Variants in CSMD3 observed in about 807,000 individuals in gnomAD.
CSMD3 encodes CUB and sushi domain-containing protein 3.
CSMD3 carries 177 observed loss-of-function variants against 435.2 expected under a neutral mutation model. The ratio of observed to expected loss-of-function variants is 0.41; its 90% confidence interval spans 0.36 to 0.46. The LOEUF (loss-of-function observed/expected upper bound fraction) is 0.46. Ranked by LOEUF, CSMD3 falls within the 20% of genes least tolerant of loss-of-function variation. CSMD3 has a pLI of 0.34. For synonymous variants in CSMD3, 1,656 were observed against 1,520.5 expected, an observed-to-expected ratio of 1.09 and a Z score of -2.07; for missense variants, 4,265 against 4,504.6, an observed-to-expected ratio of 0.95 and a Z score of 1.52.
At chr8:113,094,314 G>A (rs1373888019) in intron 5 of CSMD3, among the ~76,000 whole-genome samples, 2 of 152,002 alleles carry the variant, frequency 1.3e-5, no homozygotes, top group East Asian at 3.9e-4. Flanking sequence ...CCCCTAAATG[G>A]TCTTTTAATC....
rs144576037 is a variant in CSMD3, at chr8:113,013,119, A to G, written c.1030+5948T>C. 3.9e-5 allele frequency among the ~76,000 whole-genome samples: 6 copies of G among 152,146 alleles called. No individual in the cohort carries two copies. The East Asian group carries it at 1.2e-3, about 29-fold the overall frequency. On this transcript the variant is annotated intron_variant, in intron 6 of 70. Coordinates refer to ENST00000297405, the MANE Select transcript of CSMD3 (RefSeq NM_198123.2). The stretch of plus-strand genomic sequence containing the variant: ...TCCTGTGCTCTATTTTTAAGCCTGG[A>G]CTATATTTATGATTTCAGAAAATCT...
rs890011990 is a variant in CSMD3, at chr8:113,393,690, A to G, written c.178+42987T>C. Among the ~76,000 whole-genome samples the G allele has an allele frequency of 3.9e-4, 60 of 152,138 alleles. 2 individuals carry two copies. ...TCCAAGGTTAACAAACACAACTTGG[A>G]AGCATGCATACATTATAACAGATAA... On this transcript the variant is annotated intron_variant, in intron 1 of 70. Transcript: ENST00000297405.
Position 112,571,886 on chromosome 8 carries a change from AAG to A in CSMD3, c.4042+1613_4042+1614del, listed in dbSNP as rs1357538651. 2.9e-3 allele frequency among the ~76,000 whole-genome samples: 423 copies of A among 147,810 alleles called. 2 individuals are homozygous for A. The highest frequency in any genetic ancestry group is 0.01 in the African/African-American group (406 of 39,578). On this transcript the variant is annotated intron_variant, in intron 24 of 70. Coordinates refer to ENST00000297405, the MANE Select transcript of CSMD3 (RefSeq NM_198123.2). The stretch of plus-strand genomic sequence containing the variant: ...CTCTGTCTCAAATAAAAAAAAAAAA[AAG>A]AAAGAAAGAAAGAAAGAAAATAAAA...
intron 32 of CSMD3, among the ~76,000 whole-genome samples, chr8:112,451,380 G>GA (rs977706810): frequency 6.6e-6 from 1 of 151,736 alleles, no homozygotes; most frequent in Non-Finnish European, 1.5e-5. Flanking sequence ...TGAAAAAAAA[G>GA]AAAAAATAAT....
chr8:112,435,359 T>C (rs1442350472), intron 32 of CSMD3, among the ~76,000 whole-genome samples: 1 of 151,950 alleles, frequency 6.6e-6, no homozygotes, highest in Non-Finnish European at 1.5e-5. Context: ...ATTAACATTC[T>C]TGTTTCATAC....
chr8:113,336,129 T>A (rs1221409641), intron 1 of CSMD3, among the ~76,000 whole-genome samples: 1 of 152,116 alleles, frequency 6.6e-6, no homozygotes, highest in Non-Finnish European at 1.5e-5. Context: ...CTTCCTGTTG[T>A]TCAGATTGAG....
chr8:112,895,983 C>T (rs183526219), intron 10 of CSMD3, among the ~76,000 whole-genome samples: 1 of 151,452 alleles, frequency 6.6e-6, no homozygotes, highest in African/African-American at 2.4e-5. Context: ...ATAATGAAAT[C>T]ATCTTTCAGT....
chr8:112,846,479 T>C (rs756566508), intron 11 of CSMD3, among the ~76,000 whole-genome samples: 6 of 151,706 alleles, frequency 4.0e-5, no homozygotes, highest in Non-Finnish European at 8.8e-5. Context: ...TTATAGCTCA[T>C]CCATCCTTAA....
intron 22 of CSMD3, among the ~76,000 whole-genome samples, chr8:112,604,150 G>A (rs1021568254): frequency 1.3e-5 from 2 of 152,060 alleles, no homozygotes; most frequent in Non-Finnish European, 2.9e-5. Flanking sequence ...GGAAGGTAGA[G>A]GGGCAAGGGA....
In CSMD3 at chr8:113,226,782, G is replaced by A. The variant is rs111983668; in HGVS notation, c.514+51810C>T. Among the ~76,000 whole-genome samples the A allele has an allele frequency of 3.6e-3, 541 of 151,640 alleles. 2 individuals carry two copies. The highest frequency in any genetic ancestry group is 0.012 in the African/African-American group (499 of 41,476). Reference sequence around the variant, plus strand: ...AAGCAGGCTTCCTTGAAGCTGTTGCGGAAGTAATTTACCTTTCTGCAACTG... The same window carrying A: ...AAGCAGGCTTCCTTGAAGCTGTTGCAGAAGTAATTTACCTTTCTGCAACTG... On this transcript the variant is annotated intron_variant, in intron 3 of 70. Coordinates refer to ENST00000297405, the MANE Select transcript of CSMD3 (RefSeq NM_198123.2).
At chr8:113,018,293 T>G (rs923174975) in intron 6 of CSMD3, among the ~76,000 whole-genome samples, 3 of 151,930 alleles carry the variant, frequency 2.0e-5, no homozygotes, top group African/African-American at 7.2e-5. Context: ...AAATATAAGC[T>G]TCCTAAAGTC....
intron 3 of CSMD3, among the ~76,000 whole-genome samples, chr8:113,191,910 C>A (rs768740381): frequency 6.6e-6 from 1 of 151,730 alleles, no homozygotes; most frequent in Non-Finnish European, 1.5e-5. Flanking sequence ...TTGCCAGCAT[C>A]TGTTATTTCT....
rs566778226 is a variant in CSMD3, at chr8:113,099,557, A to G, written c.710-594T>C. Reference sequence around the variant, plus strand: ...ATAGGGTAACTAATATAACTTTAGAAATATATTCATATGAAATCAAACAAT... The same window carrying G: ...ATAGGGTAACTAATATAACTTTAGAGATATATTCATATGAAATCAAACAAT... On this transcript the variant is annotated intron_variant, in intron 4 of 70. Transcript: ENST00000297405. Among the ~76,000 whole-genome samples, 4 of 152,244 alleles carry G rather than the reference A, an allele frequency of 2.6e-5. No homozygotes were observed. The East Asian group carries it at 5.8e-4, about 22-fold the overall frequency.
chr8:112,769,223 T>C (rs1477189673), intron 13 of CSMD3, among the ~76,000 whole-genome samples: 1 of 151,894 alleles, frequency 6.6e-6, no homozygotes, highest in Non-Finnish European at 1.5e-5. Context: ...TCAGCCAGAG[T>C]GATCTCTGGA....
intron 3 of CSMD3, among the ~76,000 whole-genome samples, chr8:113,176,302 A>C (rs1209713696): frequency 6.6e-6 from 1 of 152,104 alleles, no homozygotes; most frequent in African/African-American, 2.4e-5. Flanking sequence ...GACAGTTAAG[A>C]TGTTTTACAT....
chr8:113,086,203 C>T (rs1206599966), intron 5 of CSMD3, among the ~76,000 whole-genome samples: 1 of 150,496 alleles, frequency 6.6e-6, no homozygotes, highest in Non-Finnish European at 1.5e-5. Flanking sequence ...GAGCCGAGAT[C>T]GCGCCACTGC....
At chr8:112,494,429 T>C (rs56353125) in intron 30 of CSMD3, among the ~76,000 whole-genome samples, 24,466 of 145,060 alleles carry the variant, frequency 0.17, 3,057 homozygotes, top group Middle Eastern at 0.34. Context: ...CTTTCTCTCT[T>C]TCTTTCTTTG....
Position 112,375,383 on chromosome 8 carries a change from G to A in CSMD3, c.6136+4969C>T, listed in dbSNP as rs188927461. 1.2e-3 allele frequency among the ~76,000 whole-genome samples: 178 copies of A among 152,172 alleles called. 1 individual carries two copies. Among genetic ancestry groups the A allele is most frequent in the African/African-American group, 3.9e-3 (164 of 41,546 alleles). ...TACATTAAAGATCATGATTTTAAATGCTTAAATTACAACTAGTATGTCTTT... is the reference window on the plus strand; with the variant it reads ...TACATTAAAGATCATGATTTTAAATACTTAAATTACAACTAGTATGTCTTT... On this transcript the variant is annotated intron_variant, in intron 38 of 70. Coordinates refer to ENST00000297405, the MANE Select transcript of CSMD3 (RefSeq NM_198123.2).
intron 38 of CSMD3, among the ~76,000 whole-genome samples, chr8:112,377,635 AACATCATAT>A (rs1031142206): frequency 6.6e-6 from 1 of 152,112 alleles, no homozygotes; most frequent in African/African-American, 2.4e-5. Flanking sequence ...CATGTTTAAA[AACATCATAT>A]ACCACAACTA....
Sources: allele counts gnomAD v4.1 joint callset (sites outside exome capture counted in the v4.1 genomes callset), GRCh38; gene constraint gnomAD v4.1.1; transcripts MANE v1.5; gene names NCBI Gene and HGNC (gene_info 2026-07-23, HGNC 2026-07-21).